PPP3CA: variants seen among roughly 807,000 people sequenced by gnomAD.
PPP3CA encodes protein phosphatase 3 catalytic subunit alpha.
PPP3CA carries 14 observed loss-of-function variants against 66.5 expected under a neutral mutation model. The ratio of observed to expected loss-of-function variants is 0.21; its 90% CI spans 0.14 to 0.33. PPP3CA has a LOEUF of 0.33. PPP3CA is among the 10% of genes least tolerant of loss of function. The pLI is 1.00. For missense variants in PPP3CA, 317 were observed against 639.5 expected (o/e 0.50, Z 5.44); for synonymous variants, 232 against 226.2 (o/e 1.03, Z -0.23).
chr4:101,187,900 G>A (rs1031934525), intron 2 of PPP3CA, among the ~76,000 whole-genome samples: 7 of 152,152 alleles, frequency 4.6e-5, no homozygotes, highest in African/African-American at 9.6e-5. Flanking sequence ...ATATTACTTC[G>A]AGAAAACGGA....
chr4:101,246,564 A>T (rs1454101948), intron 1 of PPP3CA, among the ~76,000 whole-genome samples: 1 of 152,228 alleles, frequency 6.6e-6, no homozygotes, highest in Admixed American at 6.5e-5. Flanking sequence ...AACAAATTAC[A>T]AGCTATATAG....
At chr4:101,331,236 A>G (rs1729375661) in intron 1 of PPP3CA, among the ~76,000 whole-genome samples, 1 of 152,160 alleles carries the variant, frequency 6.6e-6, no homozygotes, top group Admixed American at 6.6e-5. Flanking sequence ...CTGATCTACC[A>G]CTTACTCACT....
chr4:101,259,329 A>G (rs1444016598), intron 1 of PPP3CA, among the ~76,000 whole-genome samples: 1 of 130,852 alleles, frequency 7.6e-6, no homozygotes. Flanking sequence ...CCCAGTTGAC[A>G]GGAAGGCAAT....
chr4:101,058,500 T>A (rs986172811), intron 10 of PPP3CA, among the ~76,000 whole-genome samples: 1 of 152,066 alleles, frequency 6.6e-6, no homozygotes, highest in African/African-American at 2.4e-5. Flanking sequence ...TCTGCAGGAC[T>A]GACTTAAAAC....
intron 1 of PPP3CA, among the ~76,000 whole-genome samples, chr4:101,204,298 C>T (rs184557374): frequency 7.5e-4 from 114 of 152,260 alleles, no homozygotes; most frequent in South Asian, 2.5e-3. Flanking sequence ...TGAGCCACCA[C>T]ACCTGGCCCT....
chr4:101,305,247 T>C (rs1470082539), intron 1 of PPP3CA, among the ~76,000 whole-genome samples: 2 of 152,222 alleles, frequency 1.3e-5, no homozygotes, highest in Non-Finnish European at 2.9e-5. Context: ...AGGCGGTGTT[T>C]CTTTTTGCTC....
chr4:101,174,207 C>T (rs540150523), intron 2 of PPP3CA, among the ~76,000 whole-genome samples: 4 of 152,072 alleles, frequency 2.6e-5, no homozygotes, highest in African/African-American at 7.2e-5. Context: ...TATACTATGG[C>T]TCTATTAAAT....
intron 10 of PPP3CA, among the ~76,000 whole-genome samples, chr4:101,058,476 T>C (rs1330312310): frequency 1.3e-5 from 2 of 152,056 alleles, no homozygotes; most frequent in African/African-American, 2.4e-5. Context: ...CTGCACCTGG[T>C]AGGACAAAAT....
At chr4:101,241,257 T>C (rs1385589884) in intron 1 of PPP3CA, among the ~76,000 whole-genome samples, 3 of 152,128 alleles carry the variant, frequency 2.0e-5, no homozygotes, top group Non-Finnish European at 4.4e-5. Context: ...TGCACTCCTA[T>C]GGAAAGGTGC....
At chr4:101,092,703 TTG>T (rs1730009380) in intron 6 of PPP3CA, among the ~76,000 whole-genome samples, 1 of 152,154 alleles carries the variant, frequency 6.6e-6, no homozygotes, top group African/African-American at 2.4e-5. Flanking sequence ...TTTTCTGTTC[TTG>T]TGATACTTTG....
intron 1 of PPP3CA, among the ~76,000 whole-genome samples, chr4:101,294,139 A>G (rs1306484469): frequency 2.0e-5 from 3 of 152,254 alleles, no homozygotes; most frequent in African/African-American, 7.2e-5. Context: ...AAATCTCAGA[A>G]GAAGTGGAAT....
chr4:101,183,118 G>A (rs1458295767), intron 2 of PPP3CA, among the ~76,000 whole-genome samples: 2 of 152,100 alleles, frequency 1.3e-5, no homozygotes, highest in African/African-American at 2.4e-5. Flanking sequence ...GCTTAAATGT[G>A]ATAAAAGCTT....
intron 6 of PPP3CA, among the ~76,000 whole-genome samples, chr4:101,084,178 C>A (rs985143306): frequency 6.6e-6 from 1 of 152,142 alleles, no homozygotes; most frequent in Non-Finnish European, 1.5e-5. Flanking sequence ...TTCACTAGAA[C>A]TTAAACTATA....
chr4:101,304,501 T>C (rs866715349), intron 1 of PPP3CA, among the ~76,000 whole-genome samples: 2 of 152,194 alleles, frequency 1.3e-5, no homozygotes, highest in African/African-American at 4.8e-5. Flanking sequence ...TTCTAGTTTA[T>C]TTCTACAGAT....
At chr4:101,134,949 C>G (rs927529988) in intron 2 of PPP3CA, among the ~76,000 whole-genome samples, 10 of 152,072 alleles carry the variant, frequency 6.6e-5, no homozygotes, top group African/African-American at 2.4e-4. Context: ...AACCATCATT[C>G]TCAGCAAAAT....
rs562708430 is a variant in PPP3CA, at chr4:101,120,495, T to G, written c.260-11417A>C. ...GTCTGATATGGGCAAATCATTTTAT[T>G]GCCCATTTCCATCCATCACATTACT... is the stretch of plus-strand genomic sequence containing the variant. On this transcript the variant is annotated intron_variant, in intron 2 of 13. Transcript: ENST00000394854. Among the ~76,000 whole-genome samples the G allele has an allele frequency of 1.1e-4, 16 of 152,134 alleles. No individual in the cohort carries two copies. In the East Asian group the frequency reaches 2.9e-3, roughly 28 times the overall value.
chr4:101,286,142 G>C (rs1000162559), intron 1 of PPP3CA, among the ~76,000 whole-genome samples: 3 of 152,016 alleles, frequency 2.0e-5, no homozygotes, highest in African/African-American at 7.2e-5. Context: ...TTCACAATAG[G>C]GTTTGTTCTC....
chr4:101,343,394 G>T (rs1729878329), intron 1 of PPP3CA, among the ~76,000 whole-genome samples: 1 of 152,096 alleles, frequency 6.6e-6, no homozygotes, highest in African/African-American at 2.4e-5. Context: ...AAAAGCCAAA[G>T]TTTGAGACAA....
intron 1 of PPP3CA, among the ~76,000 whole-genome samples, chr4:101,282,988 G>A (rs1378559888): frequency 3.3e-5 from 5 of 151,852 alleles, no homozygotes; most frequent in South Asian, 2.1e-4. Context: ...TAAATAATAA[G>A]AGTTAATTTT....
Sources: allele counts gnomAD v4.1 joint callset (sites outside exome capture counted in the v4.1 genomes callset), GRCh38; gene constraint gnomAD v4.1.1; transcripts MANE v1.5; gene names NCBI Gene and HGNC (gene_info 2026-07-23, HGNC 2026-07-21).